NCK1: variants seen among roughly 807,000 people sequenced by gnomAD.
NCK1 encodes NCK adaptor protein 1.
A neutral mutation model predicts 36.6 loss-of-function variants in NCK1; 19 were observed. That is an observed-to-expected ratio of 0.52 (90% CI 0.36 to 0.76). NCK1 has a LOEUF of 0.76. NCK1 is among the 30% of genes least tolerant of loss of function. NCK1 has a pLI of 0.00. For missense variants in NCK1, 358 were observed against 445.6 expected, an observed-to-expected ratio of 0.80 and a Z score of 1.77; for synonymous variants, 165 against 156.0, an observed-to-expected ratio of 1.06 and a Z score of -0.43.
chr3:136,880,564 A>AT (rs2108077293), intron 1 of NCK1, among the ~76,000 whole-genome samples: 1 of 152,194 alleles, frequency 6.6e-6, no homozygotes, highest in Admixed American at 6.5e-5. Flanking sequence ...AACAGTGAGA[A>AT]TGTGTTTCCT....
At chr3:136,871,912 A>G (rs1938632288) in intron 1 of NCK1, among the ~76,000 whole-genome samples, 1 of 152,294 alleles carries the variant, frequency 6.6e-6, no homozygotes, top group Non-Finnish European at 1.5e-5. Context: ...ACCTTGTGCC[A>G]TGATTGTGAG....
At chr3:136,905,139 A>G (rs1193879313) in intron 1 of NCK1, among the ~76,000 whole-genome samples, 1 of 151,660 alleles carries the variant, frequency 6.6e-6, no homozygotes, top group East Asian at 1.9e-4. Flanking sequence ...CAGCCTCCGA[A>G]GTAGCTGGGA....
At chr3:136,873,633 C>T (rs1389646999) in intron 1 of NCK1, among the ~76,000 whole-genome samples, 1 of 152,108 alleles carries the variant, frequency 6.6e-6, no homozygotes, top group African/African-American at 2.4e-5. Context: ...TGTGTCCCCA[C>T]CCATATTTCA....
chr3:136,886,718 T>A (rs1698798639), intron 1 of NCK1, among the ~76,000 whole-genome samples: 1 of 152,164 alleles, frequency 6.6e-6, no homozygotes, highest in Non-Finnish European at 1.5e-5. Context: ...GTATGCCTTT[T>A]CATTCTCATG....
intron 2 of NCK1, among the ~76,000 whole-genome samples, chr3:136,935,342 A>T (rs1940503477): frequency 6.6e-6 from 1 of 152,124 alleles, no homozygotes; most frequent in South Asian, 2.1e-4. Context: ...TTTCAAAAAT[A>T]TCATTTGAAA....
At chr3:136,934,329 A>C (rs892205755) in intron 2 of NCK1, among the ~76,000 whole-genome samples, 2 of 151,958 alleles carry the variant, frequency 1.3e-5, no homozygotes, top group Non-Finnish European at 2.9e-5. Context: ...TCTGTTGCCC[A>C]GGTTGGAGTG....
chr3:136,919,138 A>G (rs1940042653), intron 1 of NCK1, among the ~76,000 whole-genome samples: 1 of 152,220 alleles, frequency 6.6e-6, no homozygotes, highest in African/African-American at 2.4e-5. Context: ...AGGCAAAACT[A>G]CATAGGGACA....
chr3:136,870,687 T>A (rs1167568825), intron 1 of NCK1, among the ~76,000 whole-genome samples: 9 of 123,372 alleles, frequency 7.3e-5, no homozygotes, highest in Admixed American at 1.7e-4. Context: ...CTATAGTCTT[T>A]AAAAAAAAAA....
chr3:136,938,092 T>G (rs1940579981), intron 2 of NCK1, among the ~76,000 whole-genome samples: 1 of 152,206 alleles, frequency 6.6e-6, no homozygotes, highest in African/African-American at 2.4e-5. Flanking sequence ...AATCCTAGTT[T>G]GCTGAGCATT....
At chr3:136,882,265 G>A (rs1938962600) in intron 1 of NCK1, among the ~76,000 whole-genome samples, 1 of 151,874 alleles carries the variant, frequency 6.6e-6, no homozygotes, top group Non-Finnish European at 1.5e-5. Flanking sequence ...TTCCATAATG[G>A]CTAGTGATGA....
intron 1 of NCK1, among the ~76,000 whole-genome samples, chr3:136,874,935 A>G (rs1013801893): frequency 6.6e-6 from 1 of 152,152 alleles, no homozygotes; most frequent in African/African-American, 2.4e-5. Context: ...AAGTCTGAAG[A>G]CATTCTGATT....
At chr3:136,940,463 A>G (rs180732675) in intron 2 of NCK1, among the ~76,000 whole-genome samples, 5 of 152,154 alleles carry the variant, frequency 3.3e-5, no homozygotes, top group Admixed American at 6.5e-5. Flanking sequence ...AGGTATGCAT[A>G]TATTTGTAAC....
intron 1 of NCK1, among the ~76,000 whole-genome samples, chr3:136,884,877 C>T (rs992759215): frequency 6.6e-6 from 1 of 151,824 alleles, no homozygotes; most frequent in Non-Finnish European, 1.5e-5. Context: ...CCTGCCACCA[C>T]AACTGGCTAA....
chr3:136,871,355 G>A (rs997277058), intron 1 of NCK1, among the ~76,000 whole-genome samples: 3 of 152,022 alleles, frequency 2.0e-5, no homozygotes, highest in African/African-American at 4.8e-5. Context: ...CTATGATCGC[G>A]CCACTGTACT....
At chr3:136,866,296 TTTTC>T (rs1476565811) in intron 1 of NCK1, among the ~76,000 whole-genome samples, 15 of 151,868 alleles carry the variant, frequency 9.9e-5, no homozygotes, top group East Asian at 3.9e-4. Flanking sequence ...TATCATTCCT[TTTTC>T]TTTCTTTCTT....
chr3:136,883,679 T>C (rs141473731), intron 1 of NCK1, among the ~76,000 whole-genome samples: 40 of 152,344 alleles, frequency 2.6e-4, no homozygotes, highest in African/African-American at 9.4e-4. Context: ...TCAGTAGATA[T>C]GTTGTTGGAG....
At chr3:136,891,118 TG>T (rs1939233053) in intron 1 of NCK1, among the ~76,000 whole-genome samples, 1 of 152,248 alleles carries the variant, frequency 6.6e-6, no homozygotes, top group Admixed American at 6.5e-5. Context: ...ATTTACCACA[TG>T]TTGTTTACTC....
intron 1 of NCK1, among the ~76,000 whole-genome samples, chr3:136,923,352 G>A (rs897113485): frequency 5.3e-5 from 8 of 152,008 alleles, no homozygotes; most frequent in African/African-American, 1.9e-4. Flanking sequence ...TCAGGAGATC[G>A]AAACCATCCT....
In NCK1 at chr3:136,890,163, C is replaced by T. The variant is rs141647317; in HGVS notation, c.-19+27810C>T. Among the ~76,000 whole-genome samples, 450 of 152,302 alleles carry T rather than the reference C, an allele frequency of 3.0e-3. 2 individuals are homozygous for T. Among genetic ancestry groups the T allele is most frequent in the African/African-American group, 0.01 (418 of 41,570 alleles). ...GCCCCACGGGGAGGCAGCTGAGGCCCGGCAAGAAATCGAGCGCAGCGCTGG... is the reference window on the plus strand; with the variant it reads ...GCCCCACGGGGAGGCAGCTGAGGCCTGGCAAGAAATCGAGCGCAGCGCTGG... On this transcript the variant is annotated intron_variant, in intron 1 of 3. Coordinates refer to ENST00000481752, the MANE Select transcript of NCK1 (RefSeq NM_001291999.2).
Sources: gnomAD v4.1 joint callset for allele counts (sites outside exome capture counted in the v4.1 genomes callset) on GRCh38, gnomAD v4.1.1 for gene constraint, MANE v1.5 for transcripts, NCBI Gene and HGNC (gene_info 2026-07-23, HGNC 2026-07-21) for gene names.